PLD1: variants seen among roughly 807,000 people sequenced by gnomAD.
PLD1 encodes the protein choline phosphatase 1.
A neutral mutation model predicts 137.1 loss-of-function variants in PLD1; 112 were observed. The observed-to-expected ratio is 0.82, with a 90% CI of 0.70 to 0.96. PLD1 has a LOEUF of 0.96. PLD1 is among the 40% of genes least tolerant of loss of function. PLD1 has a pLI of 0.00. For synonymous variants in PLD1, 431 were observed against 454.7 expected (o/e 0.95, Z 0.66); for missense variants, 1,321 against 1,342.0 (o/e 0.98, Z 0.24).
At chr3:171,779,105 C>T (rs984932127) in intron 1 of PLD1, among the ~76,000 whole-genome samples, 1 of 152,202 alleles carries the variant, frequency 6.6e-6, no homozygotes, top group South Asian at 2.1e-4. Flanking sequence ...AGGAGAATCG[C>T]TTGAACCCAG....
At chr3:171,791,537 G>GA (rs1184009778) in intron 1 of PLD1, among the ~76,000 whole-genome samples, 2 of 152,030 alleles carry the variant, frequency 1.3e-5, no homozygotes, top group Admixed American at 6.5e-5. Flanking sequence ...CATGTGTAGG[G>GA]AAAAAAATAT....
chr3:171,689,293 A>T (rs1714901853), intron 13 of PLD1, among the ~76,000 whole-genome samples: 2 of 152,190 alleles, frequency 1.3e-5, no homozygotes, highest in African/African-American at 4.8e-5. Context: ...TTTATCAGTC[A>T]TTGAATTGAA....
chr3:171,624,259 T>C (rs190857502), intron 23 of PLD1, among the ~76,000 whole-genome samples: 255 of 152,186 alleles, frequency 1.7e-3, no homozygotes, highest in Non-Finnish European at 2.8e-3. Flanking sequence ...AAAAGATACA[T>C]TTGAAAAGAT....
Position 171,620,775 on chromosome 3 carries a change from ATATTTT to A in PLD1, c.2594-261_2594-256del, listed in dbSNP as rs200839041. On this transcript the variant is annotated intron_variant, in intron 23 of 26. Transcript: ENST00000351298. ...ATATATATATATATATATATTATATATATTTTTTTTTTAATTGAAGTGTTTTCTGTC... is the reference window on the plus strand; with the variant it reads ...ATATATATATATATATATATTATATATTTTTTAATTGAAGTGTTTTCTGTC... Among the ~76,000 whole-genome samples the A allele has an allele frequency of 8.1e-3, 1,113 of 136,804 alleles. 16 individuals are homozygous for A. The highest frequency in any genetic ancestry group is 0.031 in the African/African-American group (1,038 of 33,802). The allele number at this position is 136,804 out of a possible 152,430, so 89.7% of individuals were successfully genotyped here. A position where few individuals can be genotyped will look rare whatever the true frequency, so the allele number is the denominator to read the frequency against.
chr3:171,672,493 TTA>T (rs1491493274), intron 19 of PLD1, among the ~76,000 whole-genome samples: 270 of 117,326 alleles, frequency 2.3e-3, no homozygotes, highest in African/African-American at 5.9e-3. Flanking sequence ...GTTTTTATTT[TTA>T]TTTTTTTTTT....
intron 1 of PLD1, chr3:171,792,648 C>T (rs1024512290): frequency 6.6e-6 from 3 of 456,564 alleles, no homozygotes; most frequent in African/African-American, 6.0e-5. Flanking sequence ...ATTGTCTTTC[C>T]CCCTGCCTCT....
At chr3:171,631,425 T>C (rs1734649848) in intron 23 of PLD1, among the ~76,000 whole-genome samples, 1 of 150,372 alleles carries the variant, frequency 6.7e-6, no homozygotes, top group Non-Finnish European at 1.5e-5. Flanking sequence ...ATTGGAGATA[T>C]CCACATGACA....
chr3:171,601,088 T>C lies in PLD1; in HGVS notation c.*1990A>G, dbSNP rs933453324. On this transcript the variant is annotated 3_prime_UTR_variant, in exon 27 of 27. Coordinates refer to ENST00000351298, the MANE Select transcript of PLD1 (RefSeq NM_002662.5). ...GCATATCCTCATTCTTGGGCAATGA[T>C]AAAGTGAAGAGAGAGGCCAACAATG... is the stretch of plus-strand genomic sequence containing the variant. 3.3e-5 allele frequency: 5 copies of C among 152,212 alleles called. No individual in the cohort carries two copies. Among genetic ancestry groups the C allele is most frequent in the Admixed American group, 1.3e-4 (2 of 15,286 alleles). The allele number at this position is 152,212 out of a possible 1,614,324, so 9.4% of individuals were successfully genotyped here.
chr3:171,688,681 G>A lies in PLD1; in HGVS notation c.1534C>T (p.Leu512Phe), dbSNP rs147422973. 6.3e-4 allele frequency: 1,007 copies of A among 1,610,926 alleles called. 4 individuals carry two copies. The African/African-American group carries it at 0.012, about 19-fold the overall frequency. ...TAAAGGTTAAATATACTTACTGGGAGGGAACCCAGAGACGGTCCTGAAGTG... is the reference window on the plus strand; with the variant it reads ...TAAAGGTTAAATATACTTACTGGGAAGGAACCCAGAGACGGTCCTGAAGTG... ...RVTSGPSLGSLPPAAMESMES... is the reference protein window; with the variant it reads ...RVTSGPSLGSFPPAAMESMES... Residue 512 changes from leucine to phenylalanine, a missense_variant, in exon 14 of 27, where the codon CTC becomes TTC. Transcript: ENST00000351298.
At chr3:171,686,308 C>G (rs910899689) in intron 16 of PLD1, among the ~76,000 whole-genome samples, 7 of 152,168 alleles carry the variant, frequency 4.6e-5, no homozygotes, top group African/African-American at 1.7e-4. Context: ...CCCTCACTTG[C>G]AATGACTTCC....
At position 171,620,920 on chromosome 3, in the gene PLD1, C is replaced by A. The variant is rs79703521; in HGVS notation, c.2594-400G>T. On this transcript the variant is annotated intron_variant, in intron 23 of 26. Transcript: ENST00000351298. The stretch of plus-strand genomic sequence containing the variant: ...TTAAAACTGAGCTGGAATAGATTAA[C>A]CAAGACTTCAGTGTGACATTTGCTT... Among the ~76,000 whole-genome samples the A allele has an allele frequency of 8.7e-3, 1,322 of 151,898 alleles. 9 individuals carry two copies. The highest frequency in any genetic ancestry group is 0.016 in the South Asian group (75 of 4,814).
At chr3:171,724,967 A>AACCCTAAAAT (rs1475432826) in intron 7 of PLD1, among the ~76,000 whole-genome samples, 179 bp from the exon 8 acceptor site, 1 of 152,150 alleles carries the variant, frequency 6.6e-6, no homozygotes, top group Non-Finnish European at 1.5e-5. Context: ...CCTAGAGGCG[A>AACCCTAAAAT]ACCCTAAAAT....
intron 1 of PLD1, among the ~76,000 whole-genome samples, chr3:171,782,193 T>C (rs1472632267): frequency 6.6e-6 from 1 of 152,098 alleles, no homozygotes. Context: ...AAATAACATA[T>C]TGTGGGAAAA....
chr3:171,787,103 A>G (rs1723038117), intron 1 of PLD1, among the ~76,000 whole-genome samples: 1 of 152,178 alleles, frequency 6.6e-6, no homozygotes, highest in Admixed American at 6.5e-5. Flanking sequence ...CAGAGAGTCA[A>G]CCAAACATGG....
chr3:171,687,617 G>A, intron 14 of PLD1, 33 bp from the exon 15 acceptor site: 2 of 1,377,280 alleles, frequency 1.5e-6, no homozygotes, highest in South Asian at 1.2e-5. Context: ...AAAAGACACT[G>A]CATAAGACAT....
At chr3:171,754,216 C>T (rs1221888663) in intron 1 of PLD1, among the ~76,000 whole-genome samples, 1 of 152,190 alleles carries the variant, frequency 6.6e-6, no homozygotes, top group Admixed American at 6.5e-5. Flanking sequence ...ATTGGGTTCT[C>T]AGTCACTGTT....
intron 1 of PLD1, among the ~76,000 whole-genome samples, chr3:171,798,811 A>C (rs1723528462): frequency 6.6e-6 from 1 of 152,304 alleles, no homozygotes; most frequent in Admixed American, 6.5e-5. Context: ...GAGCTAAGCC[A>C]CACACAGGCC....
chr3:171,691,133 C>T (rs976303564), intron 13 of PLD1, among the ~76,000 whole-genome samples: 6 of 152,026 alleles, frequency 3.9e-5, no homozygotes, highest in African/African-American at 1.4e-4. Flanking sequence ...CACTCTTGCT[C>T]TTTTTTGGTT....
chr3:171,658,024 T>G (rs1443377114), intron 21 of PLD1, among the ~76,000 whole-genome samples: 2 of 152,046 alleles, frequency 1.3e-5, no homozygotes. Flanking sequence ...TCTCCATAGA[T>G]AATACACAAA....
Sources: gnomAD v4.1 joint callset for allele counts (sites outside exome capture counted in the v4.1 genomes callset) on GRCh38, gnomAD v4.1.1 for gene constraint, MANE v1.5 for transcripts, NCBI Gene and HGNC (gene_info 2026-07-23, HGNC 2026-07-21) for gene names.